The following GRM3 variants were observed in gnomAD, a reference collection of about 807,000 sequenced individuals.
GRM3 encodes the protein metabotropic glutamate receptor 3.
Under a neutral mutation model 70.5 loss-of-function variants are expected in GRM3, and 26 were observed. The ratio of observed to expected loss-of-function variants is 0.37; its 90% CI spans 0.27 to 0.51. The LOEUF is 0.51. Ranked by LOEUF, GRM3 falls within the 20% of genes least tolerant of loss-of-function variation. The pLI is 0.93. For missense variants in GRM3, 859 were observed against 1,123.8 expected (o/e 0.76, Z 3.37); for synonymous variants, 443 against 434.9 (o/e 1.02, Z -0.23).
chr7:86,786,985 A>C lies in GRM3; in HGVS notation c.1193A>C (p.Tyr398Ser). The C allele has an allele frequency of 1.9e-6, 3 of 1,614,158 alleles. No homozygotes were observed. The highest frequency in any genetic ancestry group is 2.5e-6 in the Non-Finnish European group (3 of 1,179,994). ...SKIMFVVNAV[Y>S]AMAHALHKMQ... Reference sequence around the variant, plus strand: ...ATCATGTTTGTGGTGAACGCGGTGTATGCCATGGCCCACGCTTTGCACAAA... The same window carrying C: ...ATCATGTTTGTGGTGAACGCGGTGTCTGCCATGGCCCACGCTTTGCACAAA... Residue 398 changes from tyrosine to serine, a missense_variant, in exon 3 of 6, where the codon TAT becomes TCT. Coordinates refer to ENST00000361669, the MANE Select transcript of GRM3 (RefSeq NM_000840.3). This position sits in a 1 kb window ranked among gnomAD's most constrained non-coding sequence, Gnocchi z 6.0.
At chr7:86,690,131 G>A (rs554898691) in intron 1 of GRM3, among the ~76,000 whole-genome samples, 1 of 152,276 alleles carries the variant, frequency 6.6e-6, no homozygotes, top group Non-Finnish European at 1.5e-5. Context: ...ATGGGTCCTA[G>A]GGGCCTTCAC....
intron 1 of GRM3, among the ~76,000 whole-genome samples, chr7:86,668,531 A>G (rs1026371129): frequency 6.6e-6 from 1 of 152,100 alleles, no homozygotes; most frequent in African/African-American, 2.4e-5. Context: ...CATTCTCTTC[A>G]GCTACCACAA....
chr7:86,799,731 G>C (rs1797639164), intron 3 of GRM3, among the ~76,000 whole-genome samples: 1 of 152,058 alleles, frequency 6.6e-6, no homozygotes, highest in African/African-American at 2.4e-5. Flanking sequence ...GGGTTTCACT[G>C]TGTTAGCCAG....
At chr7:86,659,213 T>C (rs1315648016) in intron 1 of GRM3, among the ~76,000 whole-genome samples, 1 of 152,194 alleles carries the variant, frequency 6.6e-6, no homozygotes, top group Admixed American at 6.5e-5. Context: ...TAAATGCAGT[T>C]TGTGGCAATA....
intron 2 of GRM3, among the ~76,000 whole-genome samples, chr7:86,785,579 A>G (rs1797208408): frequency 6.6e-6 from 1 of 151,986 alleles, no homozygotes. Flanking sequence ...CCAAGCAGAA[A>G]AATATTTTAA....
chr7:86,746,403 T>G (rs577691083), intron 1 of GRM3, among the ~76,000 whole-genome samples: 108 of 138,722 alleles, frequency 7.8e-4, no homozygotes, highest in Non-Finnish European at 1.3e-3. Context: ...CTGTGCTGCA[T>G]TTAAGAGGAG....
At chr7:86,660,787 G>T (rs1411613794) in intron 1 of GRM3, among the ~76,000 whole-genome samples, 1 of 151,890 alleles carries the variant, frequency 6.6e-6, no homozygotes, top group East Asian at 1.9e-4. Context: ...ACTCAAATTG[G>T]ATATCCCCAT....
chr7:86,699,701 G>A (rs1321889205), intron 1 of GRM3, among the ~76,000 whole-genome samples: 1 of 151,870 alleles, frequency 6.6e-6, no homozygotes, highest in Non-Finnish European at 1.5e-5. Context: ...AAAGCCAACC[G>A]ATCTCAGTAC....
intron 1 of GRM3, among the ~76,000 whole-genome samples, chr7:86,691,350 C>CT (rs767641130): frequency 1.1e-3 from 169 of 150,984 alleles, no homozygotes; most frequent in East Asian, 3.7e-3. Flanking sequence ...CCAAAGTGGG[C>CT]TTTTTTTTTA....
chr7:86,725,200 A>C (rs776970035), intron 1 of GRM3, among the ~76,000 whole-genome samples: 13 of 152,266 alleles, frequency 8.5e-5, no homozygotes, highest in South Asian at 2.1e-4. Flanking sequence ...AAACAATACT[A>C]ATCTTTAAGG....
chr7:86,862,589 G>T (rs779689613), intron 5 of GRM3, among the ~76,000 whole-genome samples: 3 of 151,884 alleles, frequency 2.0e-5, no homozygotes, highest in African/African-American at 7.3e-5. Context: ...ATCCTAATAA[G>T]AAGAAGAAAA....
At chr7:86,708,894 A>G (rs1232504211) in intron 1 of GRM3, among the ~76,000 whole-genome samples, 4 of 152,040 alleles carry the variant, frequency 2.6e-5, no homozygotes, top group African/African-American at 4.8e-5. Context: ...GGTGTAGGAG[A>G]GTTCCTTCAC....
chr7:86,804,205 C>G (rs1188925362), intron 3 of GRM3, among the ~76,000 whole-genome samples: 2 of 152,128 alleles, frequency 1.3e-5, no homozygotes, highest in Non-Finnish European at 2.9e-5. Context: ...ATGATTGTCA[C>G]TGGAGATTCT....
chr7:86,807,747 C>T (rs1221980634), intron 3 of GRM3, among the ~76,000 whole-genome samples: 28 of 151,962 alleles, frequency 1.8e-4, no homozygotes, highest in Admixed American at 6.6e-4. Context: ...TTCTTTCTCT[C>T]GCCTGATTGC....
At chr7:86,772,881 T>C (rs748370159) in intron 2 of GRM3, among the ~76,000 whole-genome samples, 11 of 152,122 alleles carry the variant, frequency 7.2e-5, no homozygotes, top group Non-Finnish European at 1.2e-4. Flanking sequence ...ACATTTTTAG[T>C]ATGCCTTTCT....
chr7:86,702,937 C>T (rs1040001784), intron 1 of GRM3, among the ~76,000 whole-genome samples: 3 of 151,836 alleles, frequency 2.0e-5, no homozygotes, highest in African/African-American at 7.3e-5. Flanking sequence ...AACAAATCAC[C>T]CATGTTGAGT....
intron 1 of GRM3, among the ~76,000 whole-genome samples, chr7:86,738,632 A>G (rs1164873667): frequency 2.6e-5 from 4 of 152,138 alleles, no homozygotes; most frequent in Non-Finnish European, 2.9e-5. Context: ...CAAAGCTCAA[A>G]TCATTTTTAC....
chr7:86,851,170 A>C (rs1798748284), intron 5 of GRM3, among the ~76,000 whole-genome samples: 1 of 152,188 alleles, frequency 6.6e-6, no homozygotes, highest in Non-Finnish European at 1.5e-5. Context: ...ATTTTATCAC[A>C]GTAAAACTAA....
chr7:86,848,450 G>C (rs1287826236), intron 4 of GRM3, among the ~76,000 whole-genome samples: 2 of 152,178 alleles, frequency 1.3e-5, no homozygotes, highest in African/African-American at 2.4e-5. Flanking sequence ...ACATCCTTCA[G>C]ATGCCTGGAA....
Sources: allele counts gnomAD v4.1 joint callset (sites outside exome capture counted in the v4.1 genomes callset), GRCh38; gene constraint gnomAD v4.1.1; non-coding constraint Gnocchi (gnomAD v3.1); transcripts MANE v1.5; gene names NCBI Gene and HGNC (gene_info 2026-07-23, HGNC 2026-07-21).